CCSER1: variants seen among roughly 807,000 people sequenced by gnomAD.
CCSER1 encodes serine-rich coiled-coil domain-containing protein 1.
Under a neutral mutation model 82.0 loss-of-function variants are expected in CCSER1, and 41 were observed. The ratio of observed to expected loss-of-function variants is 0.50; its 90% CI spans 0.39 to 0.65. The LOEUF (loss-of-function observed/expected upper bound fraction) is 0.65. CCSER1 is among the 30% of genes least tolerant of loss of function. The pLI is 0.00. For missense variants in CCSER1, 1,119 were observed against 1,064.2 expected, an observed-to-expected ratio of 1.05 and a Z score of -0.72; for synonymous variants, 414 against 383.9, an observed-to-expected ratio of 1.08 and a Z score of -0.92.
At chr4:91,151,462 T>C (rs1448925809) in intron 10 of CCSER1, among the ~76,000 whole-genome samples, 1 of 152,212 alleles carries the variant, frequency 6.6e-6, no homozygotes, top group Non-Finnish European at 1.5e-5. Flanking sequence ...CTTGTGTCTC[T>C]ATTTCCTTCA....
intron 5 of CCSER1, among the ~76,000 whole-genome samples, chr4:90,502,485 T>C (rs1161381800): frequency 6.6e-6 from 1 of 152,152 alleles, no homozygotes; most frequent in Non-Finnish European, 1.5e-5. Flanking sequence ...AGAGCCAAAC[T>C]ATATCACTAA....
chr4:91,142,554 A>G (rs1399391103), intron 10 of CCSER1, among the ~76,000 whole-genome samples: 4 of 152,202 alleles, frequency 2.6e-5, no homozygotes, highest in African/African-American at 9.6e-5. Context: ...GATGTCCAAC[A>G]TGGTGTTTCC....
At chr4:90,375,428 G>A (rs1363324269) in intron 3 of CCSER1, among the ~76,000 whole-genome samples, 12 of 152,138 alleles carry the variant, frequency 7.9e-5, no homozygotes, top group Admixed American at 7.9e-4. Flanking sequence ...TAGAAGGAGA[G>A]TAACTGCAGA....
chr4:91,121,870 A>T (rs1267327205), intron 10 of CCSER1, among the ~76,000 whole-genome samples: 2 of 151,614 alleles, frequency 1.3e-5, no homozygotes, highest in Non-Finnish European at 3.0e-5. Context: ...CATAATTTCT[A>T]TAGAAATATA....
chr4:91,294,945 T>G, intron 10 of CCSER1, among the ~76,000 whole-genome samples: 1 of 151,958 alleles, frequency 6.6e-6, no homozygotes, highest in East Asian at 1.9e-4. Flanking sequence ...TTCCTGACTT[T>G]ATTGCACAAA....
chr4:90,436,900 G>T (rs562238843), intron 4 of CCSER1, among the ~76,000 whole-genome samples: 1 of 151,228 alleles, frequency 6.6e-6, no homozygotes, highest in Admixed American at 6.6e-5. Context: ...TCTTCCTCCC[G>T]GGTTCACGCC....
At chr4:90,736,889 G>C (rs978354508) in intron 7 of CCSER1, among the ~76,000 whole-genome samples, 1 of 151,826 alleles carries the variant, frequency 6.6e-6, no homozygotes, top group Non-Finnish European at 1.5e-5. Context: ...GTTATCATGA[G>C]ATTTGCAAGT....
Position 91,283,945 on chromosome 4 carries a change from G to A in CCSER1, c.2217+197951G>A, listed in dbSNP as rs188072916. Among the ~76,000 whole-genome samples the A allele has an allele frequency of 4.7e-4, 71 of 152,104 alleles. 1 individual carries two copies. The highest frequency in any genetic ancestry group is 1.6e-3 in the Admixed American group (24 of 15,240). ...GCTGATTGAGACCAAATGCCCAAAG[G>A]TCAATATGCAATCCCCAGTGTTGTA... is the stretch of plus-strand genomic sequence containing the variant. On this transcript the variant is annotated intron_variant, in intron 10 of 10. Coordinates refer to ENST00000509176, the MANE Select transcript of CCSER1 (RefSeq NM_001145065.2).
At chr4:90,955,502 A>T (rs1649804263) in intron 9 of CCSER1, among the ~76,000 whole-genome samples, 1 of 152,190 alleles carries the variant, frequency 6.6e-6, no homozygotes, top group African/African-American at 2.4e-5. Flanking sequence ...CAGCCTTTTC[A>T]TGTTGTGCTA....
intron 5 of CCSER1, among the ~76,000 whole-genome samples, chr4:90,578,727 C>A (rs545844538): frequency 2.0e-4 from 30 of 152,018 alleles, no homozygotes; most frequent in Non-Finnish European, 4.1e-4. Flanking sequence ...TAGGACATGG[C>A]CATATTTGGG....
At chr4:90,549,405 T>G (rs1777179874) in intron 5 of CCSER1, among the ~76,000 whole-genome samples, 1 of 151,792 alleles carries the variant, frequency 6.6e-6, no homozygotes, top group Non-Finnish European at 1.5e-5. Context: ...GAAGTCACGA[T>G]AAAAGTTTTT....
At chr4:90,231,314 A>T in intron 1 of CCSER1, among the ~76,000 whole-genome samples, 1 of 152,156 alleles carries the variant, frequency 6.6e-6, no homozygotes, top group East Asian at 1.9e-4. Context: ...AGGATGGTTC[A>T]ATATACGCAA....
chr4:91,572,559 C>T (rs1048924726), intron 10 of CCSER1, among the ~76,000 whole-genome samples: 2 of 152,058 alleles, frequency 1.3e-5, no homozygotes, highest in South Asian at 2.1e-4. Context: ...GATTGCTATC[C>T]CAGGGAGAAT....
intron 9 of CCSER1, among the ~76,000 whole-genome samples, chr4:90,930,939 T>TATATATATATATATAC (rs749253663): frequency 3.7e-5 from 5 of 135,092 alleles, no homozygotes; most frequent in South Asian, 2.3e-4. Flanking sequence ...TATATATATA[T>TATATATATATATATAC]ACACATGACA....
intron 8 of CCSER1, among the ~76,000 whole-genome samples, chr4:90,858,547 A>G (rs903880532): frequency 6.6e-6 from 1 of 152,010 alleles, no homozygotes; most frequent in African/African-American, 2.4e-5. Context: ...ATTTGGAGAT[A>G]GTATTGCCTG....
At chr4:90,195,849 A>G (rs1489641554) in intron 1 of CCSER1, among the ~76,000 whole-genome samples, 1 of 152,128 alleles carries the variant, frequency 6.6e-6, no homozygotes. Context: ...AACACAGTGG[A>G]TAGGAGCAAA....
At chr4:90,572,295 G>C (rs1328912054) in intron 5 of CCSER1, among the ~76,000 whole-genome samples, 2 of 152,058 alleles carry the variant, frequency 1.3e-5, no homozygotes, top group African/African-American at 4.8e-5. Context: ...CTTTGTCTTT[G>C]ATATTTGACA....
At chr4:90,276,251 TTTCCTTCC>T (rs1225474182) in intron 1 of CCSER1, among the ~76,000 whole-genome samples, 1,212 of 76,378 alleles carry the variant, frequency 0.016, 37 homozygotes, top group South Asian at 0.017. Context: ...TCTTTCTTTC[TTTCCTTCC>T]TTCCTTCCTT....
At chr4:90,321,361 G>GTC (rs1198746591) in intron 3 of CCSER1, among the ~76,000 whole-genome samples, 2 of 152,074 alleles carry the variant, frequency 1.3e-5, no homozygotes, top group Non-Finnish European at 2.9e-5. Flanking sequence ...AGGTCCTCCA[G>GTC]TCTCATTCAT....
Sources: gnomAD v4.1 joint callset for allele counts (sites outside exome capture counted in the v4.1 genomes callset) on GRCh38, gnomAD v4.1.1 for gene constraint, MANE v1.5 for transcripts, NCBI Gene and HGNC (gene_info 2026-07-23, HGNC 2026-07-21) for gene names.